Variants in CDK13 observed in about 807,000 individuals in gnomAD.
The protein encoded by CDK13 is cyclin-dependent kinase 13.
Under a neutral mutation model 137.6 loss-of-function variants are expected in CDK13, and 40 were observed. The observed-to-expected ratio is 0.29, with a 90% CI of 0.23 to 0.38. CDK13 has a LOEUF of 0.38. Ranked by LOEUF, CDK13 falls within the 10% of genes least tolerant of loss-of-function variation. CDK13 has a pLI of 1.00. For synonymous variants in CDK13, 869 were observed against 760.1 expected, an observed-to-expected ratio of 1.14 and a Z score of -2.36; for missense variants, 1,704 against 1,951.8, an observed-to-expected ratio of 0.87 and a Z score of 2.39.
In CDK13 at chr7:40,098,271, C is replaced by T. The variant is rs979783405; in HGVS notation, c.*3291C>T. 3.3e-5 allele frequency: 5 copies of T among 152,038 alleles called. No homozygotes were observed. The highest frequency in any genetic ancestry group is 9.7e-5 in the African/African-American group (4 of 41,424). The allele number at this position is 152,038 out of a possible 1,614,324, so 9.4% of individuals were successfully genotyped here. On this transcript the variant is annotated 3_prime_UTR_variant, in exon 14 of 14. Transcript: ENST00000181839. Reference sequence around the variant, plus strand: ...TCTTGAGAAAAATGAAAAGTGAATACATAAATGCTTAAAATCTGGTACTTC... The same window carrying T: ...TCTTGAGAAAAATGAAAAGTGAATATATAAATGCTTAAAATCTGGTACTTC...
At chr7:39,978,211 G>T (rs1162010877) in intron 1 of CDK13, among the ~76,000 whole-genome samples, 1 of 152,154 alleles carries the variant, frequency 6.6e-6, no homozygotes, top group Non-Finnish European at 1.5e-5. Context: ...AAACCTCAAG[G>T]TGCGGAAACA....
At chr7:39,991,661 A>G (rs986875388) in intron 2 of CDK13, among the ~76,000 whole-genome samples, 2 of 152,176 alleles carry the variant, frequency 1.3e-5, no homozygotes, top group African/African-American at 2.4e-5. Context: ...AATTGAAATA[A>G]TAATACAATT....
chr7:40,089,149 G>GT (rs1786857969), intron 12 of CDK13, among the ~76,000 whole-genome samples: 8 of 149,096 alleles, frequency 5.4e-5, no homozygotes, highest in Non-Finnish European at 3.0e-5. Context: ...ATATGAGAAG[G>GT]GAAGGCCAGG....
intron 5 of CDK13, among the ~76,000 whole-genome samples, chr7:40,022,576 A>G (rs892591144): frequency 4.6e-5 from 7 of 152,142 alleles, no homozygotes; most frequent in Non-Finnish European, 7.3e-5. Context: ...TGGAATAGAC[A>G]AGGTAGACCC....
Position 39,988,014 on chromosome 7 carries a change from C to T in CDK13, c.1627C>T (p.Leu543Phe). The change falls in exon 2 of 14, where the codon CTT (leucine) becomes TTT (phenylalanine). Residue 543 changes from leucine (L) to phenylalanine (F), a missense_variant. Leu to Phe is a conservative substitution (Grantham distance 22). Transcript: ENST00000181839. ...KNDKAKTKPP[L>F]QVTKVENNLI... ...TGACAAAGCAAAAACAAAGCCACCT[C>T]TTCAGGTAACGAAGGTGGAAAATAA... 4 of 1,614,070 alleles carry T rather than the reference C, an allele frequency of 2.5e-6. No homozygotes were observed. Among genetic ancestry groups the T allele is most frequent in the Non-Finnish European group, 3.4e-6 (4 of 1,179,970 alleles).
intron 1 of CDK13, 182 bp downstream of exon 1, chr7:39,952,034 G>C: frequency 2.0e-6 from 1 of 488,614 alleles, no homozygotes; most frequent in Non-Finnish European, 3.2e-6. Flanking sequence ...TTAGGGGGTC[G>C]AAGGGACAAA....
At chr7:39,973,428 G>T (rs948523175) in intron 1 of CDK13, among the ~76,000 whole-genome samples, 1 of 152,126 alleles carries the variant, frequency 6.6e-6, no homozygotes, top group African/African-American at 2.4e-5. Flanking sequence ...GAGACACCAT[G>T]CCTGGCCTTC....
intron 5 of CDK13, among the ~76,000 whole-genome samples, chr7:40,004,924 A>G (rs1179888970): frequency 1.3e-5 from 2 of 152,188 alleles, no homozygotes; most frequent in African/African-American, 4.8e-5. Context: ...CCCAGCACTT[A>G]GGGAAGGCCG....
chr7:40,047,464 A>AT (rs570081359), intron 6 of CDK13, among the ~76,000 whole-genome samples: 2 of 152,116 alleles, frequency 1.3e-5, no homozygotes, highest in Non-Finnish European at 2.9e-5. Flanking sequence ...TGAACAAGAA[A>AT]TTTGTCTTAC....
At chr7:40,021,225 G>A (rs1292045926) in intron 5 of CDK13, among the ~76,000 whole-genome samples, 1 of 151,970 alleles carries the variant, frequency 6.6e-6, no homozygotes, top group East Asian at 1.9e-4. Context: ...GACTGGGCGC[G>A]GTGGCTCACG....
Position 40,094,732 on chromosome 7 carries a change from C to T in CDK13, c.4291C>T (p.His1431Tyr). The T allele has an allele frequency of 6.2e-7, 1 of 1,614,106 alleles. No homozygotes were observed. The highest frequency in any genetic ancestry group is 1.1e-5 in the South Asian group (1 of 91,070). Residue 1431 changes from histidine (H) to tyrosine (Y), a missense_variant, in exon 14 of 14, where the codon CAT becomes TAT. His to Tyr is a moderately conservative substitution (Grantham distance 83). Coordinates refer to ENST00000181839, the MANE Select transcript of CDK13 (RefSeq NM_003718.5). ...CAAGGACCATAGATTTGAATATAGCCATGGTCCTATTGCAGTCCTGGCAAA... is the reference window on the plus strand; with the variant it reads ...CAAGGACCATAGATTTGAATATAGCTATGGTCCTATTGCAGTCCTGGCAAA... ...GDKDHRFEYSHGPIAVLANSS... is the reference protein window; with the variant it reads ...GDKDHRFEYSYGPIAVLANSS...
intron 9 of CDK13, among the ~76,000 whole-genome samples, chr7:40,076,181 C>T (rs779818826): frequency 4.6e-5 from 7 of 152,108 alleles, no homozygotes; most frequent in Non-Finnish European, 1.0e-4. Context: ...AACAGTCTGC[C>T]TGGGGTTGAT....
At chr7:39,961,019 T>A (rs1258202354) in intron 1 of CDK13, among the ~76,000 whole-genome samples, 1 of 140,128 alleles carries the variant, frequency 7.1e-6, no homozygotes, top group East Asian at 1.9e-4. Context: ...TTAAAATAAT[T>A]TTTTTTTTAA....
intron 7 of CDK13, chr7:40,062,176 T>C (rs1376217336): frequency 6.6e-6 from 1 of 152,240 alleles, no homozygotes; most frequent in Non-Finnish European, 1.5e-5. Context: ...CAGTCAACGC[T>C]CTTTAAATCA....
chr7:40,030,335 A>G (rs1356937956), intron 5 of CDK13, among the ~76,000 whole-genome samples: 1 of 151,588 alleles, frequency 6.6e-6, no homozygotes, highest in Non-Finnish European at 1.5e-5. Context: ...AGAGAATCTG[A>G]GAGTGACACA....
At chr7:40,029,592 C>T (rs569744972) in intron 5 of CDK13, among the ~76,000 whole-genome samples, 4 of 151,776 alleles carry the variant, frequency 2.6e-5, no homozygotes, top group East Asian at 1.9e-4. Context: ...TGATGGCGCG[C>T]GCCTGTAGTT....
chr7:40,030,597 C>T (rs1182061595), intron 5 of CDK13, among the ~76,000 whole-genome samples: 3 of 151,880 alleles, frequency 2.0e-5, no homozygotes, highest in Non-Finnish European at 4.4e-5. Context: ...CAGGGTTTTG[C>T]TGTGTTGGCC....
chr7:39,966,939 C>T (rs1783885316), intron 1 of CDK13, among the ~76,000 whole-genome samples: 2 of 152,144 alleles, frequency 1.3e-5, no homozygotes, highest in Non-Finnish European at 2.9e-5. Flanking sequence ...TATTGTTGAA[C>T]AGTAAATGTT....
chr7:39,971,348 C>T (rs1783994354), intron 1 of CDK13, among the ~76,000 whole-genome samples: 1 of 151,798 alleles, frequency 6.6e-6, no homozygotes, highest in South Asian at 2.1e-4. Flanking sequence ...AAAACCCCAT[C>T]TCTGCTAAGG....
Sources: allele counts gnomAD v4.1 joint callset (sites outside exome capture counted in the v4.1 genomes callset), GRCh38; gene constraint gnomAD v4.1.1; transcripts MANE v1.5; gene names NCBI Gene and HGNC (gene_info 2026-07-23, HGNC 2026-07-21).